The following SLC28A1 variants were observed in gnomAD, a reference collection of about 807,000 sequenced individuals.
SLC28A1 encodes the protein solute carrier family 28 member 1, also known as sodium/nucleoside cotransporter 1.
In SLC28A1, 64 loss-of-function variants were observed where a neutral mutation model predicts 74.8. The observed-to-expected ratio is 0.86, with a 90% CI of 0.70 to 1.05. The LOEUF (loss-of-function observed/expected upper bound fraction) is 1.05. Ranked by LOEUF, SLC28A1 falls within the 50% of genes least tolerant of loss-of-function variation. The pLI is 0.00. For missense variants in SLC28A1, 828 were observed against 822.8 expected (o/e 1.01, Z -0.08); for synonymous variants, 359 against 335.0 (o/e 1.07, Z -0.78).
chr15:84,943,005 C>T (rs1044913712), intron 15 of SLC28A1, among the ~76,000 whole-genome samples: 20 of 151,898 alleles, frequency 1.3e-4, no homozygotes, highest in Admixed American at 5.9e-4. Flanking sequence ...CCCAACATGG[C>T]GAAACCCCAT....
At chr15:84,890,403 C>T (rs1399981724) in intron 4 of SLC28A1, 40 bp from the exon 5 acceptor site, 5 of 1,444,182 alleles carry the variant, frequency 3.5e-6, no homozygotes, top group Non-Finnish European at 4.8e-6. Context: ...CAGATGGGGT[C>T]TGCTCATGCA....
chr15:84,901,306 A>C (rs1966663656), intron 6 of SLC28A1, among the ~76,000 whole-genome samples: 1 of 152,242 alleles, frequency 6.6e-6, no homozygotes, highest in South Asian at 2.1e-4. Flanking sequence ...CAGGAGTTCA[A>C]AACCAGCCTG....
At chr15:84,923,499 C>T (rs188119029) in intron 11 of SLC28A1, among the ~76,000 whole-genome samples, 68 of 152,222 alleles carry the variant, frequency 4.5e-4, no homozygotes, top group African/African-American at 7.5e-4. Context: ...TGAAGGGCTT[C>T]GGGCTGCCCA....
intron 9 of SLC28A1, among the ~76,000 whole-genome samples, chr15:84,913,933 T>C (rs1226752439): frequency 1.3e-5 from 2 of 152,222 alleles, no homozygotes; most frequent in African/African-American, 2.4e-5. Context: ...GGGAGCTCTC[T>C]GGAGCCTCTT....
intron 6 of SLC28A1, among the ~76,000 whole-genome samples, chr15:84,900,911 G>GAAGGAAGGAAGT (rs1178592160): frequency 8.2e-6 from 1 of 121,954 alleles, no homozygotes; most frequent in African/African-American, 2.8e-5. Context: ...AGGAAGGAAG[G>GAAGGAAGGAAGT]AAGTTAGTTG....
chr15:84,916,326 C>T (rs992501218), intron 9 of SLC28A1, among the ~76,000 whole-genome samples: 8 of 149,466 alleles, frequency 5.4e-5, no homozygotes, highest in Non-Finnish European at 8.9e-5. Flanking sequence ...ACTGCAGCCT[C>T]GAACTCCTGG....
chr15:84,971,169 A>C, the SLC28A1 span, among the ~76,000 whole-genome samples: 1 of 152,234 alleles, frequency 6.6e-6, no homozygotes, highest in Non-Finnish European at 1.5e-5. Flanking sequence ...GTCAGTGGCC[A>C]GCCAGGAAAA....
At chr15:84,898,080 A>G (rs1226034995) in intron 6 of SLC28A1, among the ~76,000 whole-genome samples, 1 of 151,622 alleles carries the variant, frequency 6.6e-6, no homozygotes, top group East Asian at 1.9e-4. Context: ...ATTGGGAATC[A>G]TGCTGCAATA....
chr15:84,965,502 A>G, the SLC28A1 span, among the ~76,000 whole-genome samples: 26,942 of 152,096 alleles, frequency 0.18, 2,888 homozygotes, highest in South Asian at 0.46. Context: ...TTCTTTTCTT[A>G]TAAGTGTATA....
At chr15:84,926,048 GTTTT>G (rs577872644) in intron 12 of SLC28A1, among the ~76,000 whole-genome samples, 1 of 143,256 alleles carries the variant, frequency 7.0e-6, no homozygotes, top group African/African-American at 2.6e-5. Context: ...ATAATATTTT[GTTTT>G]TTTATTTTAT....
intron 15 of SLC28A1, chr15:84,940,888 T>G: frequency 5.8e-6 from 1 of 171,194 alleles, no homozygotes; most frequent in Admixed American, 5.7e-5. Context: ...TTGTTTTCCC[T>G]TTAGGAAGGA....
chr15:84,929,889 G>A (rs965526985), intron 12 of SLC28A1, among the ~76,000 whole-genome samples: 1 of 152,148 alleles, frequency 6.6e-6, no homozygotes, highest in African/African-American at 2.4e-5. Flanking sequence ...ATGGGCAGGC[G>A]TGGGCCCTGG....
intron 6 of SLC28A1, among the ~76,000 whole-genome samples, chr15:84,899,746 A>G (rs1308696281): frequency 1.3e-5 from 2 of 152,166 alleles, no homozygotes; most frequent in Non-Finnish European, 2.9e-5. Context: ...GCTACAAGAA[A>G]TGCTAAAGGA....
intron 18 of SLC28A1, 42 bp from the exon 19 acceptor site, chr15:84,945,083 C>A (rs756062740): frequency 1.3e-6 from 2 of 1,574,856 alleles, no homozygotes; most frequent in East Asian, 4.5e-5. Flanking sequence ...GCCCGCAGAA[C>A]CAGGCCTGGA....
intron 2 of SLC28A1, 32 bp from the exon 3 acceptor site, chr15:84,887,713 C>CAGGG: frequency 1.2e-6 from 2 of 1,601,184 alleles, no homozygotes; most frequent in East Asian, 4.5e-5. Flanking sequence ...GCCTCCCTTT[C>CAGGG]AGCGTTGGGC....
chr15:84,908,932 A>C (rs1967725682), intron 9 of SLC28A1, 137 bp downstream of exon 9: 1 of 743,444 alleles, frequency 1.3e-6, no homozygotes, highest in African/African-American at 1.7e-5. Context: ...CTGGGAAGTT[A>C]GTGAACCTTA....
chr15:84,898,227 A>T (rs1040226005), intron 6 of SLC28A1, among the ~76,000 whole-genome samples: 4 of 151,676 alleles, frequency 2.6e-5, no homozygotes, highest in African/African-American at 9.7e-5. Context: ...TGAACCATGC[A>T]CTGTAAATGG....
At chr15:84,910,480 G>T (rs1968000009) in intron 9 of SLC28A1, among the ~76,000 whole-genome samples, 1 of 152,210 alleles carries the variant, frequency 6.6e-6, no homozygotes, top group South Asian at 2.1e-4. Flanking sequence ...TGTAATCCTA[G>T]CACTTTGGGA....
chr15:84,889,725 CTTCCTTCCTTCCTTCCT>C (rs1965106362), intron 4 of SLC28A1, among the ~76,000 whole-genome samples: 1 of 48,424 alleles, frequency 2.1e-5, no homozygotes, highest in Non-Finnish European at 5.2e-5. Flanking sequence ...TCCTTCCTTC[CTTCCTTCCTTCCTTCCT>C]TCCTTCCTTC....
Sources: gnomAD v4.1 joint callset for allele counts (sites outside exome capture counted in the v4.1 genomes callset) on GRCh38, gnomAD v4.1.1 for gene constraint, MANE v1.5 for transcripts, NCBI Gene and HGNC (gene_info 2026-07-23, HGNC 2026-07-21) for gene names.